Variants in THSD4 observed in about 807,000 individuals in gnomAD.
The protein encoded by THSD4 is thrombospondin type 1 domain containing 4.
In THSD4, 69 loss-of-function variants were observed where a neutral mutation model predicts 119.0. The observed-to-expected ratio is 0.58, with a 90% CI of 0.48 to 0.71. The LOEUF is 0.71. Ranked by LOEUF, THSD4 falls within the 30% of genes least tolerant of loss-of-function variation. The pLI is 0.00. For missense variants in THSD4, 1,393 were observed against 1,391.1 expected (o/e 1.00, Z -0.02); for synonymous variants, 524 against 540.4 (o/e 0.97, Z 0.42).
At chr15:71,639,521 A>G (rs1430647902) in intron 7 of THSD4, among the ~76,000 whole-genome samples, 57 of 152,164 alleles carry the variant, frequency 3.7e-4, no homozygotes, top group Admixed American at 3.7e-3. Context: ...TAGTCGTAAG[A>G]ATTTTACTTA....
Position 71,586,711 on chromosome 15 carries a change from A to C in THSD4, c.1153-73819A>C, listed in dbSNP as rs546040592. Among the ~76,000 whole-genome samples, 3 of 152,324 alleles carry C rather than the reference A, an allele frequency of 2.0e-5. No homozygotes were observed. In the East Asian group the frequency reaches 5.8e-4, roughly 29 times the overall value. ...TCAACTGTGCCATTTAACATAACCT[A>C]ATTGTGGGAGCAAACTCCAACACAT... On this transcript the variant is annotated intron_variant, in intron 7 of 17. Coordinates refer to ENST00000261862, the MANE Select transcript of THSD4 (RefSeq NM_024817.3).
At chr15:71,296,608 A>G (rs1016034329) in intron 6 of THSD4, among the ~76,000 whole-genome samples, 3 of 152,134 alleles carry the variant, frequency 2.0e-5, no homozygotes, top group Admixed American at 2.0e-4. Context: ...TCTGCGCAGC[A>G]CCTGTCCTGC....
rs139544244 is a variant in THSD4, at chr15:71,221,994, A to G, written c.464+6595A>G. ...TTTGGTTTGCATTTCCCTAATGATC[A>G]GTGATGTTGAACATTTTTTTATGTG... On this transcript the variant is annotated intron_variant, in intron 4 of 17. Coordinates refer to ENST00000261862, the MANE Select transcript of THSD4 (RefSeq NM_024817.3). Among the ~76,000 whole-genome samples the G allele has an allele frequency of 2.9e-3, 439 of 152,218 alleles. 2 individuals carry two copies. Among genetic ancestry groups the G allele is most frequent in the African/African-American group, 9.8e-3 (406 of 41,536 alleles).
intron 8 of THSD4, among the ~76,000 whole-genome samples, chr15:71,662,281 G>A (rs1595841027): frequency 6.6e-6 from 1 of 152,118 alleles, no homozygotes; most frequent in Non-Finnish European, 1.5e-5. Context: ...GAGGAGGAAG[G>A]GATGGCAGAT....
At chr15:71,155,323 T>A (rs2040766017) in intron 3 of THSD4, among the ~76,000 whole-genome samples, 1 of 152,112 alleles carries the variant, frequency 6.6e-6, no homozygotes, top group Non-Finnish European at 1.5e-5. Context: ...CCAGATCTCA[T>A]GAGAACTCTT....
intron 6 of THSD4, among the ~76,000 whole-genome samples, chr15:71,334,168 A>C (rs531666186): frequency 9.8e-5 from 15 of 152,350 alleles, no homozygotes; most frequent in Admixed American, 7.8e-4. Flanking sequence ...CAACCATAAC[A>C]GTCATAAACT....
chr15:71,228,009 G>A (rs1596279705), intron 4 of THSD4, among the ~76,000 whole-genome samples: 2 of 152,244 alleles, frequency 1.3e-5, no homozygotes, highest in African/African-American at 4.8e-5. Context: ...GTAGTAGGTT[G>A]AATAATTCCC....
chr15:71,429,739 G>C (rs2046917769), intron 7 of THSD4, among the ~76,000 whole-genome samples: 1 of 152,194 alleles, frequency 6.6e-6, no homozygotes, highest in Non-Finnish European at 1.5e-5. Context: ...AGATGAGCTA[G>C]TGACTGTGGA....
At chr15:71,550,656 G>A (rs376241294) in intron 7 of THSD4, among the ~76,000 whole-genome samples, 8 of 152,106 alleles carry the variant, frequency 5.3e-5, no homozygotes, top group Admixed American at 5.2e-4. Flanking sequence ...TAGCCAGGAT[G>A]GTCTCAATCT....
At chr15:71,673,232 C>A (rs369785747) in intron 8 of THSD4, among the ~76,000 whole-genome samples, 2 of 152,054 alleles carry the variant, frequency 1.3e-5, no homozygotes, top group African/African-American at 4.8e-5. Flanking sequence ...TGTATGTGTC[C>A]AGGAATTTAT....
chr15:71,332,892 A>ATT lies in THSD4; in HGVS notation c.1015+76192_1015+76193dup. Among the ~76,000 whole-genome samples the ATT allele has an allele frequency of 4.2e-4, 32 of 77,006 alleles. 7 individuals carry two copies. In the East Asian group the frequency reaches 4.3e-3, roughly 10 times the overall value. 50.5% of individuals were successfully genotyped at this position (77,006 alleles called of 152,430 possible). A position where few individuals can be genotyped will look rare whatever the true frequency, so the allele number is the denominator to read the frequency against. On this transcript the variant is annotated intron_variant, in intron 6 of 17. Transcript: ENST00000261862. Reference sequence around the variant, plus strand: ...TCTTAAAACATTGAGATTTTTTTACATTTTTTTTTTTTTTTTAGTTCATCA... The same window carrying ATT: ...TCTTAAAACATTGAGATTTTTTTACATTTTTTTTTTTTTTTTTTAGTTCATCA...
At chr15:71,163,436 C>T (rs1384759107) in intron 3 of THSD4, among the ~76,000 whole-genome samples, 1 of 152,052 alleles carries the variant, frequency 6.6e-6, no homozygotes, top group Non-Finnish European at 1.5e-5. Context: ...TTTTAAAATA[C>T]TGGCACTTTA....
chr15:71,713,669 A>T (rs1173525510), intron 8 of THSD4, among the ~76,000 whole-genome samples: 1 of 152,180 alleles, frequency 6.6e-6, no homozygotes, highest in Non-Finnish European at 1.5e-5. Context: ...CAAATCGGAC[A>T]TCAAAGTAGA....
chr15:71,378,349 G>C (rs916585722), intron 6 of THSD4, among the ~76,000 whole-genome samples: 1 of 152,186 alleles, frequency 6.6e-6, no homozygotes, highest in Non-Finnish European at 1.5e-5. Context: ...CCCACCAGAT[G>C]AATGAGGGGT....
chr15:71,783,068 T>G lies in THSD4; in HGVS notation c.*5694T>G, dbSNP rs1011296378. The G allele has an allele frequency of 5.9e-5, 9 of 152,248 alleles. No homozygotes were observed. The highest frequency in any genetic ancestry group is 2.2e-4 in the African/African-American group (9 of 41,460). 9.4% of individuals were successfully genotyped at this position (152,248 alleles called of 1,614,324 possible). A position where few individuals can be genotyped will look rare whatever the true frequency, so the allele number is the denominator to read the frequency against. ...GCCAAGGCCTGTGGGGCCTGTGAAC[T>G]GCACAGCCAGGAGCAAGGAACCCAC... On this transcript the variant is annotated 3_prime_UTR_variant, in exon 18 of 18. Coordinates refer to ENST00000261862, the MANE Select transcript of THSD4 (RefSeq NM_024817.3).
chr15:71,120,000 G>A (rs2040395755), intron 1 of THSD4, among the ~76,000 whole-genome samples: 3 of 152,148 alleles, frequency 2.0e-5, no homozygotes, highest in Admixed American at 1.3e-4. Flanking sequence ...GTTAGTTCTC[G>A]CCCCATTTCT....
At chr15:71,608,298 T>C (rs1156622368) in intron 7 of THSD4, among the ~76,000 whole-genome samples, 1 of 111,928 alleles carries the variant, frequency 8.9e-6, no homozygotes, top group African/African-American at 3.5e-5. Flanking sequence ...TGTAGAAAAA[T>C]GATAAAACTC....
intron 7 of THSD4, among the ~76,000 whole-genome samples, chr15:71,558,468 A>G (rs778596207): frequency 8.5e-5 from 13 of 152,058 alleles, no homozygotes; most frequent in Non-Finnish European, 1.9e-4. Flanking sequence ...TATTTTTATT[A>G]TTAGTCAGTT....
rs2049817328 is a variant in THSD4 at position 71,592,004 on chromosome 15, T to C, written c.1153-68526T>C. 2.6e-5 allele frequency among the ~76,000 whole-genome samples: 4 copies of C among 152,286 alleles called. No homozygotes were observed. The South Asian group carries it at 6.2e-4, about 24-fold the overall frequency. On this transcript the variant is annotated intron_variant, in intron 7 of 17. Transcript: ENST00000261862. ...CCTATGAGGCAGATGTTAATGCCCC[T>C]CATTTTAAAGACGAGGAAAAGAGAG...
Sources: allele counts gnomAD v4.1 joint callset (sites outside exome capture counted in the v4.1 genomes callset), GRCh38; gene constraint gnomAD v4.1.1; transcripts MANE v1.5; gene names NCBI Gene and HGNC (gene_info 2026-07-23, HGNC 2026-07-21).